Variants in SIPA1L3 observed in about 807,000 individuals in gnomAD.
SIPA1L3 encodes signal-induced proliferation-associated 1-like protein 3.
In SIPA1L3, 59 loss-of-function variants were observed where a neutral mutation model predicts 150.1. That is an observed-to-expected ratio of 0.39 (90% CI 0.32 to 0.49). SIPA1L3 has a LOEUF of 0.49. Among genes scored for constraint, SIPA1L3 ranks in the 20% least tolerant of loss-of-function variants. The probability of loss-of-function intolerance (pLI) is 0.86; values close to 1 mark genes in which losing one functional copy is unlikely to be tolerated. For synonymous variants in SIPA1L3, 1,070 were observed against 1,077.6 expected (o/e 0.99, Z 0.14); for missense variants, 2,211 against 2,489.5 (o/e 0.89, Z 2.38).
intron 1 of SIPA1L3, among the ~76,000 whole-genome samples, chr19:38,011,389 T>C (rs1427968199): frequency 6.6e-6 from 1 of 152,094 alleles, no homozygotes; most frequent in African/African-American, 2.4e-5. Flanking sequence ...GGTGGGGGAA[T>C]CACTTGAGCC....
At chr19:38,155,238 T>A (rs1441144319) in intron 13 of SIPA1L3, among the ~76,000 whole-genome samples, 3 of 152,148 alleles carry the variant, frequency 2.0e-5, no homozygotes, top group Non-Finnish European at 2.9e-5. Flanking sequence ...TTATTTATTA[T>A]TTTTTAAAAA....
At position 38,207,425 on chromosome 19, in the gene SIPA1L3, GATATATATAT is replaced by G. The variant is rs34359575; in HGVS notation, c.*1200_*1209del. The G allele has an allele frequency of 3.6e-5, 5 of 139,176 alleles. No individual in the cohort carries two copies. Among genetic ancestry groups the G allele is most frequent in the Non-Finnish European group, 7.8e-5 (5 of 64,074 alleles). 8.6% of individuals were successfully genotyped at this position (139,176 alleles called of 1,614,324 possible). On this transcript the variant is annotated 3_prime_UTR_variant, in exon 22 of 22. Coordinates refer to ENST00000222345, the MANE Select transcript of SIPA1L3 (RefSeq NM_015073.3). ...CCTTCTTTAAAAGCAAACAGAAAAAGATATATATATATATATATATATATTTATTTTTTCA... is the reference window on the plus strand; with the variant it reads ...CCTTCTTTAAAAGCAAACAGAAAAAGATATATATATATATTTATTTTTTCA...
intron 1 of SIPA1L3, among the ~76,000 whole-genome samples, chr19:37,970,192 G>GA (rs1324092296): frequency 2.6e-5 from 4 of 152,196 alleles, no homozygotes; most frequent in African/African-American, 9.6e-5. Flanking sequence ...ATTTCAAAGT[G>GA]AAAATGTTAC....
intron 1 of SIPA1L3, among the ~76,000 whole-genome samples, chr19:38,007,631 AC>A (rs1474035157): frequency 2.6e-5 from 4 of 151,532 alleles, no homozygotes; most frequent in African/African-American, 9.7e-5. Flanking sequence ...TTCTTCTTCT[AC>A]CTTTTTTTGC....
chr19:37,981,190 T>C (rs1190481735), intron 1 of SIPA1L3, among the ~76,000 whole-genome samples: 1 of 152,114 alleles, frequency 6.6e-6, no homozygotes, highest in African/African-American at 2.4e-5. Flanking sequence ...CCCAGCATTT[T>C]GGGAGGCTGA....
Position 38,047,245 on chromosome 19 carries a change from C to T in SIPA1L3, c.-311+18089C>T, listed in dbSNP as rs370478482. On this transcript the variant is annotated intron_variant, in intron 2 of 21. Coordinates refer to ENST00000222345, the MANE Select transcript of SIPA1L3 (RefSeq NM_015073.3). This position sits in a 1 kb window ranked among gnomAD's most constrained non-coding sequence, Gnocchi z 4.7. ...CCGCCGACACACACGCACGCACACA[C>T]GCACGCACTCACACACACTCCTACA... Among the ~76,000 whole-genome samples the T allele has an allele frequency of 2.6e-5, 4 of 152,118 alleles. No homozygotes were observed. Among genetic ancestry groups the T allele is most frequent in the East Asian group, 1.9e-4 (1 of 5,192 alleles).
intron 13 of SIPA1L3, among the ~76,000 whole-genome samples, chr19:38,158,812 G>T (rs1474409293): frequency 6.6e-6 from 1 of 152,258 alleles, no homozygotes; most frequent in African/African-American, 2.4e-5. Flanking sequence ...GCAGGTTTGG[G>T]GGAAGGTACA....
At position 38,164,485 on chromosome 19, in the gene SIPA1L3, C is replaced by A. The variant is rs201620708; in HGVS notation, c.3787C>A (p.Pro1263Thr). 1 of 1,606,282 alleles carries A rather than the reference C, an allele frequency of 6.2e-7. No individual in the cohort carries two copies. Among genetic ancestry groups the A allele is most frequent in the Non-Finnish European group, 8.5e-7 (1 of 1,174,264 alleles). The change falls in exon 15 of 22, where the codon CCT becomes ACT. Residue 1263 changes from proline (P) to threonine (T), a missense_variant. By Grantham distance (38) the Pro-to-Thr change is conservative. Around this residue, in one of 5 missense-constraint regions of SIPA1L3, gnomAD observed 806 missense variants for 870.1 expected, o/e 0.93. Coordinates refer to ENST00000222345, the MANE Select transcript of SIPA1L3 (RefSeq NM_015073.3). The surrounding 1 kb of genome is among the most constrained non-coding windows in gnomAD (Gnocchi z 4.1). Reference sequence around the variant, plus strand: ...CGCTTCTCTTGCCTCTCAGGGAGAACCTCAATACTCAAGTCATTCCAGCAG... The same window carrying A: ...CGCTTCTCTTGCCTCTCAGGGAGAAACTCAATACTCAAGTCATTCCAGCAG... ...DSPNRHSKGEPQYSSHSSSNT... is the reference protein window; with the variant it reads ...DSPNRHSKGETQYSSHSSSNT...
At chr19:37,944,937 C>T (rs964416003) in intron 1 of SIPA1L3, among the ~76,000 whole-genome samples, 3 of 151,966 alleles carry the variant, frequency 2.0e-5, no homozygotes, top group East Asian at 1.9e-4. Context: ...GGTGATAGAG[C>T]GAGACTCCAT....
chr19:38,060,344 A>G (rs1249300914), intron 2 of SIPA1L3, among the ~76,000 whole-genome samples: 2 of 152,234 alleles, frequency 1.3e-5, no homozygotes, highest in Non-Finnish European at 2.9e-5. Context: ...GACAAGCTTT[A>G]TGAGTTCTAA....
At chr19:38,079,856 G>A (rs901780706) in intron 2 of SIPA1L3, among the ~76,000 whole-genome samples, 14 of 152,080 alleles carry the variant, frequency 9.2e-5, no homozygotes, top group Admixed American at 6.6e-4. Flanking sequence ...GTGCCCAGCC[G>A]GAAGTCCCCA....
intron 9 of SIPA1L3, among the ~76,000 whole-genome samples, chr19:38,124,814 T>A (rs185242260): frequency 2.6e-5 from 4 of 151,728 alleles, no homozygotes; most frequent in Non-Finnish European, 5.9e-5. Context: ...AGCCCGGCCA[T>A]CACAGCGAAA....
chr19:37,967,329 T>A (rs1410829181), intron 1 of SIPA1L3, among the ~76,000 whole-genome samples: 1 of 151,026 alleles, frequency 6.6e-6, no homozygotes, highest in African/African-American at 2.4e-5. Context: ...CTCGGTTCAC[T>A]GCAACCTCCG....
At chr19:37,991,932 T>C (rs922788238) in intron 1 of SIPA1L3, among the ~76,000 whole-genome samples, 3 of 152,232 alleles carry the variant, frequency 2.0e-5, no homozygotes, top group Non-Finnish European at 4.4e-5. Context: ...GGGCAGGTAC[T>C]TCACCTCCTT....
chr19:38,162,051 C>G (rs915434617), intron 13 of SIPA1L3, among the ~76,000 whole-genome samples: 2 of 152,128 alleles, frequency 1.3e-5, no homozygotes, highest in Admixed American at 1.3e-4. Flanking sequence ...GGATATTGCA[C>G]GGCTTCAGTG....
rs541690227 is a variant in SIPA1L3 at position 38,150,659 on chromosome 19, C to T, written c.3534-2181C>T. Among the ~76,000 whole-genome samples the T allele has an allele frequency of 2.0e-3, 299 of 151,970 alleles. 3 individuals carry two copies. The highest frequency in any genetic ancestry group is 6.9e-3 in the African/African-American group (284 of 41,444). On this transcript the variant is annotated intron_variant, in intron 12 of 21. Transcript: ENST00000222345. ...GTTCAATTGATTCTCCTGCCTCAGC[C>T]TCCCAAGTAGCTGGGATGTCACAGG...
intron 15 of SIPA1L3, among the ~76,000 whole-genome samples, chr19:38,166,520 C>T (rs1182416170): frequency 6.6e-6 from 1 of 151,890 alleles, no homozygotes; most frequent in Non-Finnish European, 1.5e-5. Context: ...AGAGTCCCGA[C>T]CACACACACT....
chr19:38,088,669 G>A, intron 3 of SIPA1L3, 52 bp from the exon 4 acceptor site: 1 of 1,594,624 alleles, frequency 6.3e-7, no homozygotes, highest in Non-Finnish European at 8.5e-7. Context: ...GGGCATCAGG[G>A]CCCCTCCTTC....
intron 1 of SIPA1L3, among the ~76,000 whole-genome samples, chr19:37,937,733 C>A (rs1419916630): frequency 4.1e-4 from 13 of 31,468 alleles, no homozygotes; most frequent in African/African-American, 1.4e-3. Flanking sequence ...CAGAGTGAAA[C>A]CCTGTCTCAA....
Sources: allele counts gnomAD v4.1 joint callset (sites outside exome capture counted in the v4.1 genomes callset), GRCh38; gene constraint gnomAD v4.1.1; regional missense constraint gnomAD v4.1.1; non-coding constraint Gnocchi (gnomAD v3.1); transcripts MANE v1.5; gene names NCBI Gene and HGNC (gene_info 2026-07-23, HGNC 2026-07-21).